The following MEGF8 variants were observed in gnomAD, a reference collection of about 807,000 sequenced individuals.
MEGF8 encodes multiple epidermal growth factor-like domains protein 8.
In MEGF8, 156 loss-of-function variants were observed where a neutral mutation model predicts 302.9. That is an observed-to-expected ratio of 0.52 (90% CI 0.45 to 0.59). The LOEUF (loss-of-function observed/expected upper bound fraction) is 0.59, where lower values mean the gene tolerates loss of function less well. Among genes scored for constraint, MEGF8 ranks in the 20% least tolerant of loss-of-function variants. The probability of loss-of-function intolerance (pLI) is 0.00; values close to 1 mark genes in which losing one functional copy is unlikely to be tolerated. For missense variants in MEGF8, 3,345 were observed against 3,964.5 expected (o/e 0.84, Z 4.20); for synonymous variants, 1,621 against 1,660.5 (o/e 0.98, Z 0.58).
chr19:42,345,703 C>T (rs538014442), intron 12 of MEGF8, among the ~76,000 whole-genome samples: 1 of 152,306 alleles, frequency 6.6e-6, no homozygotes, highest in African/African-American at 2.4e-5. Context: ...AGCTGATGGA[C>T]GTTTGGGCTG....
chr19:42,354,088 G>A lies in MEGF8; in HGVS notation c.4011+64G>A, dbSNP rs1568567833. ...AGAACCGTGTCCCCTGACCCAGCCT[G>A]CATCCTCAGACCCTGACCCTAGTAT... On this transcript the variant is annotated intron_variant, in intron 22 of 41. Coordinates refer to ENST00000251268, the MANE Select transcript of MEGF8 (RefSeq NM_001271938.2). This position sits in a 1 kb window ranked among gnomAD's most constrained non-coding sequence, Gnocchi z 4.3. 3 of 1,514,140 alleles carry A rather than the reference G, an allele frequency of 2.0e-6. No individual in the cohort carries two copies. In the East Asian group the frequency reaches 7.3e-5, roughly 37 times the overall value. 93.8% of individuals were successfully genotyped at this position (1,514,140 alleles called of 1,614,324 possible).
In MEGF8 at chr19:42,334,359, C is replaced by A. The variant is rs140586587; in HGVS notation, c.558+146C>A. The A allele has an allele frequency of 3.0e-5, 23 of 775,146 alleles. No homozygotes were observed. In the African/African-American group the frequency reaches 3.9e-4, roughly 13 times the overall value. 48.0% of individuals were successfully genotyped at this position (775,146 alleles called of 1,614,324 possible). On this transcript the variant is annotated intron_variant, in intron 3 of 41. Transcript: ENST00000251268. ...CCGTGACACCCACTTCCCTCTCCTT[C>A]CAGAGCTTGCCCCTCACCTGTTACT... is the stretch of plus-strand genomic sequence containing the variant.
chr19:42,360,586 C>G (rs2039517629), intron 31 of MEGF8, among the ~76,000 whole-genome samples, 189 bp from the exon 32 acceptor site: 1 of 152,218 alleles, frequency 6.6e-6, no homozygotes, highest in African/African-American at 2.4e-5. Context: ...CTCAAGCAGT[C>G]TTCCTGCCTC....
At position 42,326,104 on chromosome 19, in the gene MEGF8, G is replaced by A; in HGVS notation, c.-140G>A. Reference sequence around the variant, plus strand: ...GGCCGTACCCTTCGCCGGGACTGCCGGGTCTCCGGGACCTCTTCGATCTAC... The same window carrying A: ...GGCCGTACCCTTCGCCGGGACTGCCAGGTCTCCGGGACCTCTTCGATCTAC... On this transcript the variant is annotated 5_prime_UTR_variant, in exon 1 of 42. Transcript: ENST00000251268. 4.5e-6 allele frequency: 6 copies of A among 1,327,534 alleles called. No individual in the cohort carries two copies. Among genetic ancestry groups the A allele is most frequent in the Non-Finnish European group, 5.8e-6 (6 of 1,030,060 alleles). 82.2% of individuals were successfully genotyped at this position (1,327,534 alleles called of 1,614,324 possible).
chr19:42,340,565 C>T (rs1024078570), intron 8 of MEGF8, among the ~76,000 whole-genome samples: 1 of 151,968 alleles, frequency 6.6e-6, no homozygotes, highest in Non-Finnish European at 1.5e-5. Flanking sequence ...TGGGGTTTCA[C>T]TGTGTTGACC....
intron 12 of MEGF8, among the ~76,000 whole-genome samples, chr19:42,347,017 A>G (rs971941861): frequency 1.3e-5 from 2 of 151,082 alleles, no homozygotes; most frequent in Non-Finnish European, 1.5e-5. Flanking sequence ...AAAAAGAAAA[A>G]GAAAAAAAAG....
rs1206030 is a variant in MEGF8, at chr19:42,369,245, C to T, written c.6641+243C>T. 0.012 allele frequency among the ~76,000 whole-genome samples: 1,762 copies of T among 152,104 alleles called. 44 individuals are homozygous for T. Among genetic ancestry groups the T allele is most frequent in the African/African-American group, 0.041 (1,684 of 41,478 alleles). ...CTGTAATCCCAGCACTTTGGGAGGC[C>T]GAGGCAGGTGGATCACTTAAGGCCA... On this transcript the variant is annotated intron_variant, in intron 37 of 41. Transcript: ENST00000251268. The surrounding 1 kb of genome is among the most constrained non-coding windows in gnomAD (Gnocchi z 5.7).
chr19:42,343,486 C>A lies in MEGF8; in HGVS notation c.1523C>A (p.Ala508Glu). The A allele has an allele frequency of 6.2e-7, 1 of 1,600,580 alleles. No individual in the cohort carries two copies. The highest frequency in any genetic ancestry group is 8.5e-7 in the Non-Finnish European group (1 of 1,170,016). Residue 508 changes from alanine to glutamate, a missense_variant, in exon 9 of 42, where the codon GCG becomes GAG. Transcript: ENST00000251268. Reference sequence around the variant, plus strand: ...GTCTCTATTCCCCTAGGCCGAGCAGCGCCTCCCAGTGGTCGGTACTCACAT... The same window carrying A: ...GTCTCTATTCCCCTAGGCCGAGCAGAGCCTCCCAGTGGTCGGTACTCACAT... ...APPGTPEGRA[A>E]PPSGRYSHVA...
intron 23 of MEGF8, 55 bp from the exon 24 acceptor site, chr19:42,355,703 T>A: frequency 6.7e-7 from 1 of 1,494,990 alleles, no homozygotes; most frequent in Admixed American, 2.2e-5. Context: ...CATCTGGGGG[T>A]GGAAGGGGCC....
chr19:42,372,829 T>C (rs1306049022), intron 41 of MEGF8, among the ~76,000 whole-genome samples: 1 of 149,980 alleles, frequency 6.7e-6, no homozygotes, highest in African/African-American at 2.5e-5. Context: ...TGTGCCACCA[T>C]GCCTGGCTAA....
intron 8 of MEGF8, among the ~76,000 whole-genome samples, chr19:42,339,432 C>T (rs1174320635): frequency 1.3e-5 from 2 of 152,122 alleles, no homozygotes; most frequent in Non-Finnish European, 2.9e-5. Context: ...GATGGTATCT[C>T]ATTGTGGTTT....
chr19:42,372,681 A>AT (rs966108644), intron 41 of MEGF8, among the ~76,000 whole-genome samples: 1 of 151,346 alleles, frequency 6.6e-6, no homozygotes, highest in Non-Finnish European at 1.5e-5. Context: ...ATTTAATTTA[A>AT]TTTTTTTTGG....
In MEGF8 at chr19:42,336,201, C is replaced by T. The variant is rs756531536; in HGVS notation, c.1099C>T (p.Arg367Cys). 3.7e-6 allele frequency: 6 copies of T among 1,610,468 alleles called. No homozygotes were observed. Among genetic ancestry groups the T allele is most frequent in the East Asian group, 2.2e-5 (1 of 44,882 alleles). ...DLFSSGLFRFRLDSTSGGYWE... is the reference protein window; with the variant it reads ...DLFSSGLFRFCLDSTSGGYWE... ...CTTCTCCTCTGGCCTCTTCCGTTTC[C>T]GCCTTGACAGCACCAGCGGGGGCTA... Residue 367 changes from arginine (R) to cysteine (C), a missense_variant, in exon 6 of 42, where the codon CGC becomes TGC. Physicochemically the swap from Arg to Cys is radical, Grantham distance 180. Transcript: ENST00000251268. The surrounding 1 kb of genome is among the most constrained non-coding windows in gnomAD (Gnocchi z 4.8).
rs2039111607 is a variant in MEGF8 at position 42,335,337 on chromosome 19, C to G, written c.780C>G (p.Tyr260Ter). The G allele has an allele frequency of 1.9e-6, 3 of 1,614,034 alleles. No homozygotes were observed. The highest frequency in any genetic ancestry group is 2.5e-6 in the Non-Finnish European group (3 of 1,179,892). The change falls in exon 5 of 42, where the codon TAC becomes TAG. Residue 260 changes from tyrosine to a stop codon, truncating the protein, a stop_gained. Coordinates refer to ENST00000251268, the MANE Select transcript of MEGF8 (RefSeq NM_001271938.2). LOFTEE classifies it high-confidence loss of function. Reference protein sequence around the residue: ...LNNALGDLVLYNFSANTWESW... With the variant: ...LNNALGDLVL ...ATGCCCTGGGTGACCTCGTCCTATA[C>G]AACTTCTCCGCCAACACCTGGGAGT...
intron 1 of MEGF8, 39 bp from the exon 2 acceptor site, chr19:42,333,566 T>C (rs1322608283): frequency 1.9e-6 from 3 of 1,590,890 alleles, no homozygotes; most frequent in Non-Finnish European, 2.6e-6. Context: ...GGGGAGAAGG[T>C]CCGCTTTAGA....
Position 42,351,350 on chromosome 19 carries a change from T to A in MEGF8, c.2855+16T>A. 6.4e-7 allele frequency: 1 copy of A among 1,567,228 alleles called. No homozygotes were observed. The highest frequency in any genetic ancestry group is 8.7e-7 in the Non-Finnish European group (1 of 1,155,680). ...TCTGCAGCCAGTGAGTCAGGCTGGG[T>A]GCAGGGAGTGGGTGGGTGGATGTGC... On this transcript the variant is annotated intron_variant, in intron 16 of 41. Coordinates refer to ENST00000251268, the MANE Select transcript of MEGF8 (RefSeq NM_001271938.2). This position sits in a 1 kb window ranked among gnomAD's most constrained non-coding sequence, Gnocchi z 5.6.
chr19:42,336,759 G>A lies in MEGF8; in HGVS notation c.1245-48G>A. The A allele has an allele frequency of 1.3e-6, 2 of 1,529,330 alleles. No individual in the cohort carries two copies. The highest frequency in any genetic ancestry group is 4.5e-5 in the East Asian group (2 of 44,044). The allele number at this position is 1,529,330 out of a possible 1,614,324, so 94.7% of individuals were successfully genotyped here. ...GGCTCCTAAGAGCCTGGAGGAGGGAGAGAGACGCTTCCTGCCCTGAGCCCC... is the reference window on the plus strand; with the variant it reads ...GGCTCCTAAGAGCCTGGAGGAGGGAAAGAGACGCTTCCTGCCCTGAGCCCC... On this transcript the variant is annotated intron_variant, in intron 6 of 41. Coordinates refer to ENST00000251268, the MANE Select transcript of MEGF8 (RefSeq NM_001271938.2). The surrounding 1 kb of genome is among the most constrained non-coding windows in gnomAD (Gnocchi z 4.8).
rs779325459 is a variant in MEGF8 at position 42,356,837 on chromosome 19, C to T, written c.4686C>T (p.Gly1562=). 1.3e-5 allele frequency: 21 copies of T among 1,564,182 alleles called. No homozygotes were observed. The highest frequency in any genetic ancestry group is 4.3e-6 in the Non-Finnish European group (5 of 1,154,586). Residue 1562 remains glycine (G), a synonymous_variant, in exon 27 of 42, where the codon GGC becomes GGT. Transcript: ENST00000251268. This position sits in a 1 kb window ranked among gnomAD's most constrained non-coding sequence, Gnocchi z 5.2. ...MLAGAEDGGP[G]PSPRSFHAAA... is the part of the protein sequence containing the mutation. ...CGGGAGCCGAGGACGGGGGCCCAGG[C>T]CCATCGCCCCGCTCCTTCCATGCAG...
chr19:42,336,379 A>G lies in MEGF8; in HGVS notation c.1244+33A>G, dbSNP rs552946612. 2.6e-6 allele frequency: 4 copies of G among 1,549,188 alleles called. No individual in the cohort carries two copies. In the African/African-American group the frequency reaches 4.1e-5, roughly 16 times the overall value. On this transcript the variant is annotated intron_variant, in intron 6 of 41. Coordinates refer to ENST00000251268, the MANE Select transcript of MEGF8 (RefSeq NM_001271938.2). This position sits in a 1 kb window ranked among gnomAD's most constrained non-coding sequence, Gnocchi z 4.8. ...ACCTGTCCCATAACCCATGCTCCAC[A>G]GGCCAGGCCCAGCTCAACACCATAG...
Sources: allele counts gnomAD v4.1 joint callset (sites outside exome capture counted in the v4.1 genomes callset), GRCh38; gene constraint gnomAD v4.1.1; non-coding constraint Gnocchi (gnomAD v3.1); transcripts MANE v1.5; gene names NCBI Gene and HGNC (gene_info 2026-07-23, HGNC 2026-07-21).